SDK1: variants seen among roughly 807,000 people sequenced by gnomAD.
SDK1 encodes sidekick cell adhesion molecule 1.
Under a neutral mutation model 245.5 loss-of-function variants are expected in SDK1, and 157 were observed. The ratio of observed to expected loss-of-function variants is 0.64; its 90% CI spans 0.56 to 0.73. SDK1 has a LOEUF of 0.73. SDK1 is among the 30% of genes least tolerant of loss of function. SDK1 has a pLI of 0.00. For missense variants in SDK1, 3,583 were observed against 3,002.3 expected (o/e 1.19, Z -4.52); for synonymous variants, 1,647 against 1,278.5 (o/e 1.29, Z -6.15).
At chr7:4,189,946 C>A (rs1783096885) in intron 35 of SDK1, among the ~76,000 whole-genome samples, 1 of 152,050 alleles carries the variant, frequency 6.6e-6, no homozygotes, top group African/African-American at 2.4e-5. Flanking sequence ...TCCCACCTTT[C>A]TTCTAAGTGC....
At chr7:4,192,510 C>T (rs953687788) in intron 35 of SDK1, among the ~76,000 whole-genome samples, 5 of 152,246 alleles carry the variant, frequency 3.3e-5, no homozygotes, top group East Asian at 1.9e-4. Context: ...CTCCTGAACT[C>T]GTGATCCACC....
rs961005731 is a variant in SDK1 at position 3,823,427 on chromosome 7, G to A, written c.847+1844G>A. On this transcript the variant is annotated intron_variant, in intron 5 of 44. Coordinates refer to ENST00000404826, the MANE Select transcript of SDK1 (RefSeq NM_152744.4). ...TTAGAAGAATTATTCCACTGAAACT[G>A]TTTAACATCACAAAGTTATAAAACA... 9.9e-5 allele frequency among the ~76,000 whole-genome samples: 15 copies of A among 152,138 alleles called. 1 individual carries two copies. Among genetic ancestry groups the A allele is most frequent in the Admixed American group, 9.8e-4 (15 of 15,268 alleles).
chr7:3,591,367 C>T (rs955684907), intron 1 of SDK1, among the ~76,000 whole-genome samples: 9 of 152,196 alleles, frequency 5.9e-5, no homozygotes, highest in African/African-American at 2.2e-4. Context: ...TAATTTAGTA[C>T]TTTCATCTGA....
chr7:4,051,558 A>C, intron 18 of SDK1, 80 bp from the exon 19 acceptor site: 1 of 1,252,484 alleles, frequency 8.0e-7, no homozygotes, highest in Non-Finnish European at 1.1e-6. Flanking sequence ...TTAAAAGACA[A>C]AATAAAATTC....
chr7:4,001,255 G>A (rs775319155), intron 14 of SDK1, among the ~76,000 whole-genome samples: 5 of 152,226 alleles, frequency 3.3e-5, no homozygotes, highest in African/African-American at 7.2e-5. Context: ...CCTGTTGCAG[G>A]GGTTTGCCAC....
chr7:3,908,012 T>C (rs1439092906), intron 5 of SDK1, among the ~76,000 whole-genome samples: 30 of 152,202 alleles, frequency 2.0e-4, no homozygotes, highest in Admixed American at 1.6e-3. Context: ...CCAATACTCA[T>C]TCCTGCTTTG....
At chr7:3,894,300 T>C (rs924226807) in intron 5 of SDK1, among the ~76,000 whole-genome samples, 12 of 152,228 alleles carry the variant, frequency 7.9e-5, no homozygotes, top group African/African-American at 1.9e-4. Context: ...ATTTAACAGC[T>C]TCCCCTTTTG....
Position 3,301,767 on chromosome 7 carries a change from G to A in SDK1, c.181G>A (p.Asp61Asn). The change falls in exon 1 of 45, where the codon GAC (aspartate) becomes AAC (asparagine). Residue 61 changes from aspartate (D) to asparagine (N), a missense_variant. By Grantham distance (23) the Asp-to-Asn change is conservative. Coordinates refer to ENST00000404826, the MANE Select transcript of SDK1 (RefSeq NM_152744.4). ...GGCGGCGCCCGAGACCTCCGGCGGG[G>A]ACACGGCGGGCGCGGGGCGGTGCGG... ...PRAAPETSGGDTAGAGRCGGR... is the reference protein window; with the variant it reads ...PRAAPETSGGNTAGAGRCGGR... 5 of 990,016 alleles carry A rather than the reference G, an allele frequency of 5.1e-6. No individual in the cohort carries two copies. Among genetic ancestry groups the A allele is most frequent in the Non-Finnish European group, 6.0e-6 (5 of 834,554 alleles). The allele number at this position is 990,016 out of a possible 1,614,324, so 61.3% of individuals were successfully genotyped here. A position where few individuals can be genotyped will look rare whatever the true frequency, so the allele number is the denominator to read the frequency against.
intron 4 of SDK1, chr7:3,643,707 C>T (rs1395751407): frequency 7.0e-6 from 1 of 143,828 alleles, no homozygotes; most frequent in Non-Finnish European, 1.5e-5. Flanking sequence ...TGATTCTCAT[C>T]TCCCACCCCT....
rs115760778 is a variant in SDK1 at position 4,180,931 on chromosome 7, C to T, written c.5098+2345C>T. Among the ~76,000 whole-genome samples, 964 of 152,298 alleles carry T rather than the reference C, an allele frequency of 6.3e-3. 10 individuals carry two copies. Among genetic ancestry groups the T allele is most frequent in the African/African-American group, 0.022 (920 of 41,554 alleles). Reference sequence around the variant, plus strand: ...TCAACATGAGACTTGGGCAGGGACACATCCAGGCCATATAAGTCTGTCATC... The same window carrying T: ...TCAACATGAGACTTGGGCAGGGACATATCCAGGCCATATAAGTCTGTCATC... On this transcript the variant is annotated intron_variant, in intron 35 of 44. Transcript: ENST00000404826.
At chr7:3,316,313 A>G (rs1355367577) in intron 1 of SDK1, among the ~76,000 whole-genome samples, 1 of 152,152 alleles carries the variant, frequency 6.6e-6, no homozygotes, top group Non-Finnish European at 1.5e-5. Context: ...TAGACACATA[A>G]ATACTTGTGG....
chr7:3,586,127 G>C (rs1259228297), intron 1 of SDK1, among the ~76,000 whole-genome samples: 1 of 151,984 alleles, frequency 6.6e-6, no homozygotes, highest in Admixed American at 6.5e-5. Flanking sequence ...CTGGGGGAGA[G>C]AGCGCTGAGG....
At chr7:3,883,461 A>G (rs1461536860) in intron 5 of SDK1, among the ~76,000 whole-genome samples, 2 of 152,092 alleles carry the variant, frequency 1.3e-5, no homozygotes, top group African/African-American at 2.4e-5. Flanking sequence ...AGGTGTGTGT[A>G]TGTGTGCGGC....
At chr7:3,420,284 G>T (rs1053469309) in intron 1 of SDK1, among the ~76,000 whole-genome samples, 21 of 152,208 alleles carry the variant, frequency 1.4e-4, no homozygotes, top group Admixed American at 1.4e-3. Flanking sequence ...TAACAGAAAA[G>T]ATTTTAAAAG....
intron 5 of SDK1, among the ~76,000 whole-genome samples, chr7:3,906,402 G>C (rs112056417): frequency 6.7e-6 from 1 of 149,380 alleles, no homozygotes; most frequent in African/African-American, 2.4e-5. Context: ...GTGTGTGTGA[G>C]AGAGAGAGAG....
At chr7:3,938,533 C>G (rs1477016365) in intron 5 of SDK1, among the ~76,000 whole-genome samples, 1 of 151,738 alleles carries the variant, frequency 6.6e-6, no homozygotes, top group African/African-American at 2.4e-5. Flanking sequence ...GTAGTCCCAG[C>G]TACTTGGGAG....
intron 1 of SDK1, among the ~76,000 whole-genome samples, chr7:3,511,061 A>AGTGGCTTGGGCCAGG (rs1477016584): frequency 6.6e-6 from 1 of 152,194 alleles, no homozygotes; most frequent in Non-Finnish European, 1.5e-5. Flanking sequence ...AAATGGTGAC[A>AGTGGCTTGGGCCAGG]GTGGCTTGGG....
chr7:3,731,851 G>C (rs991621330), intron 4 of SDK1, among the ~76,000 whole-genome samples: 1 of 152,136 alleles, frequency 6.6e-6, no homozygotes, highest in African/African-American at 2.4e-5. Context: ...GAGTGCAGTG[G>C]CGTGATGTTG....
At chr7:4,145,219 TG>T (rs1171394957) in intron 28 of SDK1, among the ~76,000 whole-genome samples, 4 of 151,820 alleles carry the variant, frequency 2.6e-5, no homozygotes, top group Admixed American at 2.6e-4. Context: ...TGGAGGGAGC[TG>T]GGGGGTCAGA....
Sources: gnomAD v4.1 joint callset for allele counts (sites outside exome capture counted in the v4.1 genomes callset) on GRCh38, gnomAD v4.1.1 for gene constraint, MANE v1.5 for transcripts, NCBI Gene and HGNC (gene_info 2026-07-23, HGNC 2026-07-21) for gene names.